Variants in GRID2 observed in about 807,000 individuals in gnomAD.
GRID2 encodes the protein glutamate receptor ionotropic, delta-2.
Under a neutral mutation model 114.8 loss-of-function variants are expected in GRID2, and 33 were observed. The observed-to-expected ratio is 0.29, with a 90% CI of 0.22 to 0.38. The LOEUF is 0.38. GRID2 is among the 10% of genes least tolerant of loss of function. The probability of loss-of-function intolerance (pLI) is 1.00; values close to 1 mark genes in which losing one functional copy is unlikely to be tolerated. For synonymous variants in GRID2, 505 were observed against 449.9 expected, an observed-to-expected ratio of 1.12 and a Z score of -1.55; for missense variants, 1,184 against 1,257.7, an observed-to-expected ratio of 0.94 and a Z score of 0.89.
chr4:93,707,263 T>C (rs976501184), intron 14 of GRID2, among the ~76,000 whole-genome samples: 1 of 152,104 alleles, frequency 6.6e-6, no homozygotes, highest in African/African-American at 2.4e-5. Flanking sequence ...TTTGGAGTAC[T>C]TTGAGAAAAA....
At chr4:93,268,452 G>T (rs2149563840) in intron 8 of GRID2, among the ~76,000 whole-genome samples, 1 of 152,198 alleles carries the variant, frequency 6.6e-6, no homozygotes, top group East Asian at 1.9e-4. Flanking sequence ...TTCAACATAT[G>T]AATTTTTGAG....
intron 11 of GRID2, among the ~76,000 whole-genome samples, chr4:93,488,612 A>G (rs1726648066): frequency 6.6e-6 from 1 of 151,970 alleles, no homozygotes; most frequent in South Asian, 2.1e-4. Context: ...AGGCCTATTA[A>G]TAGTTCACAT....
At chr4:93,592,542 G>A (rs984328931) in intron 13 of GRID2, among the ~76,000 whole-genome samples, 1 of 152,094 alleles carries the variant, frequency 6.6e-6, no homozygotes, top group Non-Finnish European at 1.5e-5. Flanking sequence ...TGTTGATTTG[G>A]GGTGGAGAGT....
chr4:92,605,121 T>C (rs1253503786), intron 2 of GRID2, among the ~76,000 whole-genome samples: 1 of 152,116 alleles, frequency 6.6e-6, no homozygotes, highest in African/African-American at 2.4e-5. Flanking sequence ...CATGCTGAAC[T>C]GTGAGTCTAT....
At chr4:93,066,650 TTATAA>T (rs766790980) in intron 2 of GRID2, among the ~76,000 whole-genome samples, 1 of 152,040 alleles carries the variant, frequency 6.6e-6, no homozygotes, top group African/African-American at 2.4e-5. Flanking sequence ...TATTTTTATC[TTATAA>T]TAAGATAAAA....
intron 2 of GRID2, among the ~76,000 whole-genome samples, chr4:93,003,766 G>T (rs1721237017): frequency 6.6e-6 from 1 of 151,930 alleles, no homozygotes; most frequent in African/African-American, 2.4e-5. Context: ...GACTTAGTAT[G>T]TGGTGTTTCT....
At chr4:93,139,845 G>A (rs1202091358) in intron 4 of GRID2, among the ~76,000 whole-genome samples, 1 of 151,878 alleles carries the variant, frequency 6.6e-6, no homozygotes, top group Non-Finnish European at 1.5e-5. Context: ...TATATAATGG[G>A]AAACTAAACA....
intron 2 of GRID2, among the ~76,000 whole-genome samples, chr4:92,875,457 C>T (rs1396260946): frequency 6.6e-6 from 1 of 152,084 alleles, no homozygotes; most frequent in Non-Finnish European, 1.5e-5. Flanking sequence ...AGCCACGTCG[C>T]CCGGCCAAAA....
At chr4:93,264,726 C>A (rs1047714017) in intron 8 of GRID2, among the ~76,000 whole-genome samples, 15 of 54,312 alleles carry the variant, frequency 2.8e-4, no homozygotes, top group South Asian at 1.6e-3. Context: ...ATATATATAT[C>A]ATTTGAATTA....
intron 2 of GRID2, among the ~76,000 whole-genome samples, chr4:92,830,699 T>G (rs1578257173): frequency 6.6e-6 from 1 of 152,334 alleles, no homozygotes; most frequent in South Asian, 2.1e-4. Context: ...TAAGAGATTC[T>G]TCATAGTTTT....
intron 13 of GRID2, among the ~76,000 whole-genome samples, chr4:93,540,987 TGA>T (rs1441776926): frequency 6.6e-6 from 1 of 152,138 alleles, no homozygotes; most frequent in Non-Finnish European, 1.5e-5. Context: ...ACAATTATAT[TGA>T]GAGACTATAA....
chr4:92,348,804 C>T (rs1727916251), intron 1 of GRID2, among the ~76,000 whole-genome samples: 2 of 151,998 alleles, frequency 1.3e-5, no homozygotes, highest in Admixed American at 6.6e-5. Flanking sequence ...CAAAAGTTGT[C>T]CAGTTTAAAT....
chr4:93,563,042 C>A (rs1735073097), intron 13 of GRID2, among the ~76,000 whole-genome samples: 1 of 151,924 alleles, frequency 6.6e-6, no homozygotes, highest in Admixed American at 6.6e-5. Context: ...CAGTATTGTG[C>A]AGGATAGTTT....
At position 92,792,456 on chromosome 4, in the gene GRID2, AACACACACACACACAC is replaced by A. The variant is rs35204445; in HGVS notation, c.244+202203_244+202218del. Among the ~76,000 whole-genome samples the A allele has an allele frequency of 3.3e-3, 446 of 136,180 alleles. 1 individual carries two copies. Among genetic ancestry groups the A allele is most frequent in the African/African-American group, 0.011 (413 of 36,228 alleles). The allele number at this position is 136,180 out of a possible 152,430, so 89.3% of individuals were successfully genotyped here. ...AAATGATTTTATTAGCAGGCAAGAGAACACACACACACACACACACACACACACACACACACACACA... is the reference window on the plus strand; with the variant it reads ...AAATGATTTTATTAGCAGGCAAGAGAACACACACACACACACACACACACA... On this transcript the variant is annotated intron_variant, in intron 2 of 15. Coordinates refer to ENST00000282020, the MANE Select transcript of GRID2 (RefSeq NM_001510.4).
intron 8 of GRID2, among the ~76,000 whole-genome samples, chr4:93,365,955 C>T (rs1243452469): frequency 2.0e-5 from 3 of 152,140 alleles, no homozygotes; most frequent in Non-Finnish European, 4.4e-5. Context: ...TGGACACTAA[C>T]CACTTCCCCA....
At chr4:92,825,956 C>A (rs534572374) in intron 2 of GRID2, among the ~76,000 whole-genome samples, 186 of 152,214 alleles carry the variant, frequency 1.2e-3, no homozygotes, top group African/African-American at 4.3e-3. Context: ...CTGAAAGTAT[C>A]CTGAGTGTTC....
intron 13 of GRID2, among the ~76,000 whole-genome samples, chr4:93,545,531 G>A (rs762291762): frequency 3.7e-4 from 57 of 152,280 alleles, no homozygotes; most frequent in South Asian, 4.1e-4. Flanking sequence ...GAAGCAGATC[G>A]TGATTAGGAG....
intron 8 of GRID2, among the ~76,000 whole-genome samples, chr4:93,377,198 T>C (rs976682898): frequency 6.6e-6 from 1 of 152,166 alleles, no homozygotes; most frequent in Non-Finnish European, 1.5e-5. Context: ...ATTGTTTCAG[T>C]AGGATGATGA....
intron 8 of GRID2, among the ~76,000 whole-genome samples, chr4:93,356,171 A>G (rs1761317589): frequency 6.6e-6 from 1 of 152,096 alleles, no homozygotes; most frequent in African/African-American, 2.4e-5. Context: ...ACATTTGTTG[A>G]GCACCTCCAA....
Sources: gnomAD v4.1 joint callset for allele counts (sites outside exome capture counted in the v4.1 genomes callset) on GRCh38, gnomAD v4.1.1 for gene constraint, MANE v1.5 for transcripts, NCBI Gene and HGNC (gene_info 2026-07-23, HGNC 2026-07-21) for gene names.